The following C20orf203 variants were observed in gnomAD, a reference collection of about 807,000 sequenced individuals.
C20orf203 encodes the protein chromosome 20 open reading frame 203.
A neutral mutation model predicts 15.9 loss-of-function variants in C20orf203; 16 were observed. The ratio of observed to expected loss-of-function variants is 1.01; its 90% CI spans 0.68 to 1.53. The LOEUF is 1.53. Among genes scored for constraint, C20orf203 ranks in the 40% most tolerant of loss-of-function variants. The pLI is 0.00. For synonymous variants in C20orf203, 98 were observed against 97.2 expected, an observed-to-expected ratio of 1.01 and a Z score of -0.05; for missense variants, 263 against 247.5, an observed-to-expected ratio of 1.06 and a Z score of -0.42.
chr20:32,660,928 T>C (rs574143622), intron 1 of C20orf203, among the ~76,000 whole-genome samples: 2 of 152,240 alleles, frequency 1.3e-5, no homozygotes, highest in African/African-American at 2.4e-5. Flanking sequence ...CTCACTATCA[T>C]GAGAACCGCA....
chr20:32,673,456 C>T (rs6119929), intron 1 of C20orf203, among the ~76,000 whole-genome samples, 176 bp downstream of exon 1: 1 of 152,202 alleles, frequency 6.6e-6, no homozygotes, highest in Non-Finnish European at 1.5e-5. Context: ...ACCGCAGCCC[C>T]GTGGGCACAG....
chr20:32,634,015 A>G lies in C20orf203; in HGVS notation c.*1555T>C, dbSNP rs973844165. ...CCAACTCTTCACTCCTTTCCTCAAC[A>G]AACATTGACTGAAATTGAAATGAGC... is the stretch of plus-strand genomic sequence containing the variant. On this transcript the variant is annotated 3_prime_UTR_variant, in exon 6 of 6. Coordinates refer to ENST00000608990, the MANE Select transcript of C20orf203 (RefSeq NM_182584.4). 2.5e-6 allele frequency: 1 copy of G among 398,490 alleles called. No homozygotes were observed. Among genetic ancestry groups the G allele is most frequent in the Non-Finnish European group, 4.4e-6 (1 of 226,086 alleles). The allele number at this position is 398,490 out of a possible 1,614,324, so 24.7% of individuals were successfully genotyped here.
intron 5 of C20orf203, among the ~76,000 whole-genome samples, chr20:32,639,551 G>A (rs1982224546): frequency 6.6e-6 from 1 of 151,772 alleles, no homozygotes; most frequent in Non-Finnish European, 1.5e-5. Flanking sequence ...GAGGGCTGGA[G>A]GATCGCTTGA....
chr20:32,648,990 C>A (rs1476045701), intron 4 of C20orf203, among the ~76,000 whole-genome samples: 1 of 152,208 alleles, frequency 6.6e-6, no homozygotes, highest in South Asian at 2.1e-4. Flanking sequence ...CTGCCTCCCC[C>A]ATGAGGAGGC....
chr20:32,662,526 G>A (rs1449462475), intron 1 of C20orf203, among the ~76,000 whole-genome samples: 2 of 152,066 alleles, frequency 1.3e-5, no homozygotes, highest in East Asian at 1.9e-4. Flanking sequence ...GATTGAACCC[G>A]AGACGGAGTT....
chr20:32,640,674 A>G lies in C20orf203; in HGVS notation c.*1191T>C, dbSNP rs1027868440. On this transcript the variant is annotated 3_prime_UTR_variant, in exon 5 of 6. Transcript: ENST00000608990. ...CCACTGCACTCCATCCAGCCTGGGCAAAAGAGCGAGACTCTGTCTCAAAAC... is the reference window on the plus strand; with the variant it reads ...CCACTGCACTCCATCCAGCCTGGGCGAAAGAGCGAGACTCTGTCTCAAAAC... 3 of 152,084 alleles carry G rather than the reference A, an allele frequency of 2.0e-5. No individual in the cohort carries two copies. The highest frequency in any genetic ancestry group is 7.2e-5 in the African/African-American group (3 of 41,390). 9.4% of individuals were successfully genotyped at this position (152,084 alleles called of 1,614,324 possible).
At chr20:32,658,909 C>T (rs1263225086) in intron 1 of C20orf203, among the ~76,000 whole-genome samples, 2 of 150,278 alleles carry the variant, frequency 1.3e-5, no homozygotes, top group African/African-American at 4.9e-5. Context: ...GAGTTTCGCT[C>T]TTGTTGCCCA....
At chr20:32,648,992 T>A (rs961137878) in intron 4 of C20orf203, among the ~76,000 whole-genome samples, 4 of 152,164 alleles carry the variant, frequency 2.6e-5, no homozygotes, top group African/African-American at 4.8e-5. Context: ...GCCTCCCCCA[T>A]GAGGAGGCAA....
intron 4 of C20orf203, among the ~76,000 whole-genome samples, chr20:32,644,706 A>G (rs941800480): frequency 1.3e-5 from 2 of 152,160 alleles, no homozygotes; most frequent in African/African-American, 4.8e-5. Context: ...CATCTCCCAG[A>G]GAGTGGCCTC....
chr20:32,640,226 G>A (rs538454698), intron 5 of C20orf203, among the ~76,000 whole-genome samples: 2 of 152,244 alleles, frequency 1.3e-5, no homozygotes, highest in Admixed American at 6.5e-5. Context: ...ATAGGATCAA[G>A]GGCCTTACAA....
chr20:32,632,179 G>A lies in C20orf203; in HGVS notation c.*3391C>T, dbSNP rs1384087524. ...TTGAGCCTCACAAATACCGCACTGG[G>A]GGAGGCAACAGCCCGTCTGTGCCCC... On this transcript the variant is annotated 3_prime_UTR_variant, in exon 6 of 6. Coordinates refer to ENST00000608990, the MANE Select transcript of C20orf203 (RefSeq NM_182584.4). 6.6e-6 allele frequency: 1 copy of A among 152,230 alleles called. No homozygotes were observed. The highest frequency in any genetic ancestry group is 1.5e-5 in the Non-Finnish European group (1 of 68,058). 9.4% of individuals were successfully genotyped at this position (152,230 alleles called of 1,614,324 possible).
intron 1 of C20orf203, among the ~76,000 whole-genome samples, chr20:32,661,285 T>C (rs1982885997): frequency 6.6e-6 from 1 of 152,148 alleles, no homozygotes; most frequent in Non-Finnish European, 1.5e-5. Context: ...CAGGCTCATC[T>C]CTGTTCTCAC....
chr20:32,647,699 T>C (rs1568748273), intron 4 of C20orf203, among the ~76,000 whole-genome samples: 1 of 152,122 alleles, frequency 6.6e-6, no homozygotes, highest in Non-Finnish European at 1.5e-5. Flanking sequence ...AGCAAGACCC[T>C]ATGTCTAAAA....
chr20:32,657,744 G>C (rs750878052), intron 1 of C20orf203: 1 of 152,090 alleles, frequency 6.6e-6, no homozygotes, highest in Non-Finnish European at 1.5e-5. Context: ...AGGATCACTT[G>C]ATATCAGAAG....
intron 1 of C20orf203, among the ~76,000 whole-genome samples, chr20:32,661,908 C>T (rs1276817168): frequency 1.3e-5 from 2 of 152,216 alleles, no homozygotes; most frequent in African/African-American, 4.8e-5. Context: ...CACTAGCTCA[C>T]TCCATCCTAG....
chr20:32,637,420 AAAAG>A (rs570128547), intron 5 of C20orf203, among the ~76,000 whole-genome samples: 3 of 152,250 alleles, frequency 2.0e-5, no homozygotes, highest in Admixed American at 6.5e-5. Context: ...TCTCAAAATA[AAAAG>A]AAAGAAAGAA....
rs11313159 is a variant in C20orf203 at position 32,651,168 on chromosome 20, TAAAAAAA to T, written c.-14-9_-14-3del. ...TAGGAAACATAGGAGACCCTCTCTCTAAAAAAAAAAAAAAAAAAAAAAAAATTAGCTG... is the reference window on the plus strand; with the variant it reads ...TAGGAAACATAGGAGACCCTCTCTCTAAAAAAAAAAAAAAAAAATTAGCTG... On this transcript the variant is annotated splice_polypyrimidine_tract_variant and splice_region_variant and intron_variant, in intron 2 of 5. Coordinates refer to ENST00000608990, the MANE Select transcript of C20orf203 (RefSeq NM_182584.4). 39 of 297,322 alleles carry T rather than the reference TAAAAAAA, an allele frequency of 1.3e-4. No individual in the cohort carries two copies. Among genetic ancestry groups the T allele is most frequent in the South Asian group, 7.2e-4 (5 of 6,990 alleles). 18.4% of individuals were successfully genotyped at this position (297,322 alleles called of 1,614,324 possible).
At chr20:32,667,152 C>A (rs529880543) in intron 1 of C20orf203, among the ~76,000 whole-genome samples, 2 of 152,060 alleles carry the variant, frequency 1.3e-5, no homozygotes, top group African/African-American at 4.8e-5. Flanking sequence ...TGGGGCAGAG[C>A]ACAGTGAGTA....
intron 4 of C20orf203, among the ~76,000 whole-genome samples, chr20:32,648,196 G>C (rs2145668564): frequency 6.6e-6 from 1 of 152,192 alleles, no homozygotes; most frequent in Admixed American, 6.5e-5. Flanking sequence ...GTGGGATCTG[G>C]AGCCCAGGCT....
Sources: allele counts gnomAD v4.1 joint callset (sites outside exome capture counted in the v4.1 genomes callset), GRCh38; gene constraint gnomAD v4.1.1; transcripts MANE v1.5; gene names NCBI Gene and HGNC (gene_info 2026-07-23, HGNC 2026-07-21).